Variants in SRPK2 observed in about 807,000 individuals in gnomAD.
SRPK2 encodes SRSF protein kinase 2, also known as SFRS protein kinase 2.
Under a neutral mutation model 90.8 loss-of-function variants are expected in SRPK2, and 21 were observed. That is an observed-to-expected ratio of 0.23 (90% CI 0.16 to 0.33). The LOEUF (loss-of-function observed/expected upper bound fraction) is 0.33, where lower values mean the gene tolerates loss of function less well. Among genes scored for constraint, SRPK2 ranks in the 10% least tolerant of loss-of-function variants. The pLI, the probability that SRPK2 is intolerant of heterozygous loss-of-function variation, is 1.00. For synonymous variants in SRPK2, 288 were observed against 311.1 expected, an observed-to-expected ratio of 0.93 and a Z score of 0.78; for missense variants, 620 against 869.0, an observed-to-expected ratio of 0.71 and a Z score of 3.60.
chr7:105,324,182 T>C (rs933627776), intron 2 of SRPK2, among the ~76,000 whole-genome samples: 1 of 151,798 alleles, frequency 6.6e-6, no homozygotes, highest in African/African-American at 2.4e-5. Flanking sequence ...ATTTTTTTTG[T>C]ATTTTTAGTA....
rs1491287154 is a variant in SRPK2 at position 105,350,527 on chromosome 7, TTC to T, written c.71+38119_71+38120del. On this transcript the variant is annotated intron_variant, in intron 2 of 15. Transcript: ENST00000393651. ...AACCCTGTGGTTGCTACAATTTTTT[TTC>T]TTTTTTTTTTTTTTTTGAGACGGAA... Among the ~76,000 whole-genome samples, 8 of 105,630 alleles carry T rather than the reference TTC, an allele frequency of 7.6e-5. No individual in the cohort carries two copies. In the South Asian group the frequency reaches 2.1e-3, roughly 27 times the overall value. The allele number at this position is 105,630 out of a possible 152,430, so 69.3% of individuals were successfully genotyped here. A position where few individuals can be genotyped will look rare whatever the true frequency, so the allele number is the denominator to read the frequency against.
At chr7:105,145,506 CACAGCAGAAGTT>C (rs1339490580) in intron 8 of SRPK2, among the ~76,000 whole-genome samples, 198 bp from the exon 9 acceptor site, 1 of 152,122 alleles carries the variant, frequency 6.6e-6, no homozygotes, top group Non-Finnish European at 1.5e-5. Flanking sequence ...CTCCTGAAGT[CACAGCAGAAGTT>C]ACTCATACTG....
intron 1 of SRPK2, among the ~76,000 whole-genome samples, chr7:105,396,832 GA>G: frequency 6.7e-6 from 1 of 149,424 alleles, no homozygotes; most frequent in East Asian, 2.0e-4. Flanking sequence ...GAGAGAGAGA[GA>G]GAGAAAGAAA....
At chr7:105,183,170 T>C (rs1369110549) in intron 3 of SRPK2, among the ~76,000 whole-genome samples, 5 of 152,212 alleles carry the variant, frequency 3.3e-5, no homozygotes, top group Non-Finnish European at 5.9e-5. Flanking sequence ...TTATGACTAA[T>C]CATCTTTTTT....
At chr7:105,225,957 G>C (rs1184395583) in intron 2 of SRPK2, among the ~76,000 whole-genome samples, 1 of 152,172 alleles carries the variant, frequency 6.6e-6, no homozygotes, top group African/African-American at 2.4e-5. Flanking sequence ...ACATGCGGGG[G>C]TTAGCAGACT....
chr7:105,272,726 C>A (rs2130587327), intron 2 of SRPK2, among the ~76,000 whole-genome samples: 1 of 152,192 alleles, frequency 6.6e-6, no homozygotes, highest in African/African-American at 2.4e-5. Context: ...CTCCTACAAC[C>A]CAGAACCACA....
Position 105,388,854 on chromosome 7 carries a change from G to T in SRPK2, c.-48C>A, listed in dbSNP as rs746558369. The T allele has an allele frequency of 3.0e-6, 4 of 1,313,008 alleles. No individual in the cohort carries two copies. Among genetic ancestry groups the T allele is most frequent in the Non-Finnish European group, 3.9e-6 (4 of 1,036,956 alleles). The allele number at this position is 1,313,008 out of a possible 1,614,324, so 81.3% of individuals were successfully genotyped here. A position where few individuals can be genotyped will look rare whatever the true frequency, so the allele number is the denominator to read the frequency against. On this transcript the variant is annotated 5_prime_UTR_variant, in exon 1 of 16. Coordinates refer to ENST00000393651, the MANE Select transcript of SRPK2 (RefSeq NM_182692.3). ...GGGGGGCTTCGCGACGGCGACGCGG[G>T]CGCCGAGACGAGCTGGGCTGCAGCC...
At chr7:105,285,062 G>A (rs1807875469) in intron 2 of SRPK2, among the ~76,000 whole-genome samples, 1 of 152,128 alleles carries the variant, frequency 6.6e-6, no homozygotes, top group Non-Finnish European at 1.5e-5. Flanking sequence ...CTTTGGCCAT[G>A]TACTGAGTTG....
chr7:105,136,419 A>G (rs980159153), intron 11 of SRPK2, among the ~76,000 whole-genome samples: 2 of 152,218 alleles, frequency 1.3e-5, no homozygotes, highest in African/African-American at 4.8e-5. Context: ...TCCTTCTTAC[A>G]GATAATGGTG....
chr7:105,287,414 T>A (rs1361996147), intron 2 of SRPK2, among the ~76,000 whole-genome samples: 2 of 151,912 alleles, frequency 1.3e-5, no homozygotes, highest in Non-Finnish European at 2.9e-5. Context: ...CATATACATG[T>A]GTATATACAT....
At chr7:105,289,573 G>A (rs1040258043) in intron 2 of SRPK2, among the ~76,000 whole-genome samples, 20 of 152,152 alleles carry the variant, frequency 1.3e-4, no homozygotes, top group African/African-American at 4.6e-4. Context: ...AACATAGCAA[G>A]ACCTATCATT....
chr7:105,194,652 A>G (rs964974272), intron 3 of SRPK2, among the ~76,000 whole-genome samples: 2 of 152,360 alleles, frequency 1.3e-5, no homozygotes, highest in East Asian at 3.9e-4. Flanking sequence ...AAGATTCAAT[A>G]TTATTAAGGC....
At chr7:105,389,035 G>A (rs1231993805), upstream of SRPK2, 6 of 924,258 alleles carry the variant, frequency 6.5e-6, no homozygotes, top group East Asian at 3.1e-4. Context: ...CCCCAGCGCC[G>A]CGCGCCCAGC....
chr7:105,268,348 C>T (rs1332162965), intron 2 of SRPK2, among the ~76,000 whole-genome samples: 1 of 152,188 alleles, frequency 6.6e-6, no homozygotes, highest in Non-Finnish European at 1.5e-5. Context: ...AAATGGCACT[C>T]CCTTACCATA....
chr7:105,335,651 T>A (rs1004306937), intron 2 of SRPK2, among the ~76,000 whole-genome samples: 39 of 114,958 alleles, frequency 3.4e-4, no homozygotes, highest in East Asian at 1.5e-3. Context: ...GACCATCTTT[T>A]AAAAAAAAAA....
intron 2 of SRPK2, among the ~76,000 whole-genome samples, chr7:105,329,350 A>T (rs982333165): frequency 2.6e-4 from 39 of 152,348 alleles, no homozygotes; most frequent in African/African-American, 9.4e-4. Flanking sequence ...TATTAAAAGA[A>T]GATGAAGACC....
Position 105,161,216 on chromosome 7 carries a change from TGCCCA to T in SRPK2, c.515-608_515-604del, listed in dbSNP as rs566512644. Among the ~76,000 whole-genome samples, 719 of 152,240 alleles carry T rather than the reference TGCCCA, an allele frequency of 4.7e-3. 1 individual carries two copies. Among genetic ancestry groups the T allele is most frequent in the Non-Finnish European group, 7.2e-3 (487 of 68,004 alleles). On this transcript the variant is annotated intron_variant, in intron 6 of 15. Coordinates refer to ENST00000393651, the MANE Select transcript of SRPK2 (RefSeq NM_182692.3). ...CTGGGATTACAGGCATGAGCCACCGTGCCCAGCCCATATACTTTATTTAAATCATG... is the reference window on the plus strand; with the variant it reads ...CTGGGATTACAGGCATGAGCCACCGTGCCCATATACTTTATTTAAATCATG...
At chr7:105,324,465 GCCA>G (rs886557765) in intron 2 of SRPK2, among the ~76,000 whole-genome samples, 14 of 152,280 alleles carry the variant, frequency 9.2e-5, no homozygotes, top group African/African-American at 3.4e-4. Flanking sequence ...ACAGGCGTGA[GCCA>G]CCACACCCAA....
At chr7:105,355,686 C>A (rs185785443) in intron 2 of SRPK2, among the ~76,000 whole-genome samples, 1 of 152,206 alleles carries the variant, frequency 6.6e-6, no homozygotes, top group Admixed American at 6.6e-5. Context: ...ATCAACCCTG[C>A]TTAAACAAAT....
Sources: allele counts gnomAD v4.1 joint callset (sites outside exome capture counted in the v4.1 genomes callset), GRCh38; gene constraint gnomAD v4.1.1; transcripts MANE v1.5; gene names NCBI Gene and HGNC (gene_info 2026-07-23, HGNC 2026-07-21).